Variants in ZC3HAV1 observed in about 807,000 individuals in gnomAD.
ZC3HAV1 encodes zinc finger CCCH-type containing, antiviral 1, also known as zinc finger CCCH-type antiviral protein 1.
Under a neutral mutation model 86.6 loss-of-function variants are expected in ZC3HAV1, and 41 were observed. That is an observed-to-expected ratio of 0.47 (90% CI 0.37 to 0.61). ZC3HAV1 has a LOEUF of 0.61. ZC3HAV1 is among the 20% of genes least tolerant of loss of function. ZC3HAV1 has a pLI of 0.00. For synonymous variants in ZC3HAV1, 421 were observed against 432.1 expected, an observed-to-expected ratio of 0.97 and a Z score of 0.32; for missense variants, 964 against 1,141.1, an observed-to-expected ratio of 0.84 and a Z score of 2.24.
At chr7:139,101,296 G>T (rs535069482) in intron 1 of ZC3HAV1, among the ~76,000 whole-genome samples, 261 of 150,130 alleles carry the variant, frequency 1.7e-3, no homozygotes, top group African/African-American at 6.3e-3. Context: ...GTCTCTGCCT[G>T]GCCGCCCATC....
At chr7:139,052,193 T>C (rs1294241123) in intron 12 of ZC3HAV1, among the ~76,000 whole-genome samples, 1 of 151,928 alleles carries the variant, frequency 6.6e-6, no homozygotes, top group African/African-American at 2.4e-5. Context: ...GTTTGTTACA[T>C]ATGTGTACCT....
intron 3 of ZC3HAV1, among the ~76,000 whole-genome samples, chr7:139,082,716 G>A (rs4732348): frequency 0.23 from 35,018 of 151,984 alleles, 5,016 homozygotes; most frequent in African/African-American, 0.39. Flanking sequence ...AGTGAAATAA[G>A]CCAGTCAGAA....
At chr7:139,060,742 G>T in intron 9 of ZC3HAV1, 1 of 1,239,142 alleles carries the variant, frequency 8.1e-7, no homozygotes, top group East Asian at 4.6e-5. Context: ...TTCCTTAGGT[G>T]TACTGCATCA....
intron 12 of ZC3HAV1, among the ~76,000 whole-genome samples, chr7:139,051,074 C>CTT (rs1160868156): frequency 2.8e-5 from 4 of 143,418 alleles, no homozygotes; most frequent in Non-Finnish European, 3.1e-5. Context: ...TTTCTTTTTT[C>CTT]TTTTTTTTTT....
At position 139,074,038 on chromosome 7, in the gene ZC3HAV1, A is replaced by G; in HGVS notation, c.1698-8T>C. On this transcript the variant is annotated splice_region_variant and splice_polypyrimidine_tract_variant and intron_variant, in intron 6 of 12. Transcript: ENST00000242351. ...TAACTTCCTACAGAACAGCTGAGAG[A>G]GAAAAGTATTAAGTTAACATAATGC... 6.2e-7 allele frequency: 1 copy of G among 1,609,560 alleles called. No homozygotes were observed. Among genetic ancestry groups the G allele is most frequent in the Non-Finnish European group, 8.5e-7 (1 of 1,177,106 alleles).
At chr7:139,065,976 T>C (rs1816596039) in intron 7 of ZC3HAV1, among the ~76,000 whole-genome samples, 2 of 151,954 alleles carry the variant, frequency 1.3e-5, no homozygotes, top group African/African-American at 4.8e-5. Flanking sequence ...TCAAAGCATA[T>C]AGAAAGCATG....
chr7:139,060,674 A>T (rs940031181), intron 9 of ZC3HAV1: 6 of 69,986 alleles, frequency 8.6e-5, no homozygotes, highest in South Asian at 3.7e-4. Flanking sequence ...GACCCCCTCT[A>T]AAAAAAAAAA....
At chr7:139,063,768 A>T (rs1816518739) in intron 8 of ZC3HAV1, among the ~76,000 whole-genome samples, 1 of 151,796 alleles carries the variant, frequency 6.6e-6, no homozygotes, top group Non-Finnish European at 1.5e-5. Context: ...TTTTCATTTA[A>T]CAACACCAAA....
chr7:139,054,992 G>A (rs1816241932), intron 10 of ZC3HAV1, among the ~76,000 whole-genome samples: 1 of 152,146 alleles, frequency 6.6e-6, no homozygotes, highest in Non-Finnish European at 1.5e-5. Flanking sequence ...GTTTCACCGT[G>A]TTGTCCAGGC....
At chr7:139,094,497 TAAAAAAA>T (rs34388465) in intron 1 of ZC3HAV1, among the ~76,000 whole-genome samples, 2 of 129,512 alleles carry the variant, frequency 1.5e-5, no homozygotes, top group Non-Finnish European at 3.4e-5. Context: ...GGTGATAACT[TAAAAAAA>T]AAAAAAAAAA....
chr7:139,090,121 A>G (rs1267800924), intron 1 of ZC3HAV1, among the ~76,000 whole-genome samples: 1 of 151,982 alleles, frequency 6.6e-6, no homozygotes, highest in Non-Finnish European at 1.5e-5. Flanking sequence ...GGGTTTCACC[A>G]TGTTAGCCAG....
intron 1 of ZC3HAV1, among the ~76,000 whole-genome samples, chr7:139,099,787 C>G (rs1260766747): frequency 6.6e-6 from 1 of 152,072 alleles, no homozygotes; most frequent in Non-Finnish European, 1.5e-5. Flanking sequence ...ATTAGCCAGG[C>G]ATGGTGGCGC....
chr7:139,075,727 ACCACGCTCGG>A (rs143861946), intron 6 of ZC3HAV1, among the ~76,000 whole-genome samples: 2,209 of 152,152 alleles, frequency 0.015, 23 homozygotes, highest in Non-Finnish European at 0.021. Context: ...AGCATGAGCA[ACCACGCTCGG>A]CCAGAAGCAG....
intron 5 of ZC3HAV1, among the ~76,000 whole-genome samples, chr7:139,077,646 A>G (rs1816992037): frequency 6.6e-6 from 1 of 152,252 alleles, no homozygotes; most frequent in South Asian, 2.1e-4. Context: ...GCACAGGGCT[A>G]GGCATACAAA....
chr7:139,105,168 C>T (rs895341048), intron 1 of ZC3HAV1, among the ~76,000 whole-genome samples: 3 of 151,924 alleles, frequency 2.0e-5, no homozygotes, highest in Non-Finnish European at 4.4e-5. Context: ...GAGCTATGAC[C>T]GTGCCACTGC....
chr7:139,048,376 C>T (rs1816023383), intron 12 of ZC3HAV1, among the ~76,000 whole-genome samples: 1 of 152,018 alleles, frequency 6.6e-6, no homozygotes, highest in Non-Finnish European at 1.5e-5. Context: ...GAGGTTGAGG[C>T]GGGTGGATCA....
Position 139,080,029 on chromosome 7 carries a change from ATCCTGAC to A in ZC3HAV1, c.905_911del (p.Ser302IlefsTer28), listed in dbSNP as rs1817080355. 6.2e-7 allele frequency: 1 copy of A among 1,613,996 alleles called. No individual in the cohort carries two copies. The highest frequency in any genetic ancestry group is 1.3e-5 in the African/African-American group (1 of 74,888). On this transcript the variant is annotated frameshift_variant, in exon 4 of 13. Transcript: ENST00000242351. LOFTEE classifies it high-confidence loss of function. ...ACGAGCCTGAGGGAGGCCGAGCGCGATCCTGACTCCCCAGATACGTGAACTTGCGGGT... is the reference window on the plus strand; with the variant it reads ...ACGAGCCTGAGGGAGGCCGAGCGCGATCCCCAGATACGTGAACTTGCGGGT...
Position 139,109,179 on chromosome 7 carries a change from C to T in ZC3HAV1, c.153G>A (p.Val51=). 6.2e-7 allele frequency: 1 copy of T among 1,604,000 alleles called. No homozygotes were observed. Among genetic ancestry groups the T allele is most frequent in the East Asian group, 2.3e-5 (1 of 44,348 alleles). ...TCCCGGCCTCGCCGCCGGTCTCCAA[C>T]ACCACAAAGCGGTCGGGCCCGGCCA... The part of the protein sequence containing the change: ...LQVAGPDRFV[V]LETGGEAGIT... Residue 51 remains valine (V), a synonymous_variant, in exon 1 of 13, where the codon GTG becomes GTA. Coordinates refer to ENST00000242351, the MANE Select transcript of ZC3HAV1 (RefSeq NM_020119.4).
At chr7:139,075,094 G>A (rs1462146394) in intron 6 of ZC3HAV1, among the ~76,000 whole-genome samples, 1 of 152,078 alleles carries the variant, frequency 6.6e-6, no homozygotes, top group Non-Finnish European at 1.5e-5. Flanking sequence ...GGTGCTTCCT[G>A]TCATCTGTGG....
Sources: gnomAD v4.1 joint callset for allele counts (sites outside exome capture counted in the v4.1 genomes callset) on GRCh38, gnomAD v4.1.1 for gene constraint, MANE v1.5 for transcripts, NCBI Gene and HGNC (gene_info 2026-07-23, HGNC 2026-07-21) for gene names.